ITGA3: variants seen among roughly 807,000 people sequenced by gnomAD.
ITGA3 encodes the protein integrin subunit alpha 3.
In ITGA3, 70 loss-of-function variants were observed where a neutral mutation model predicts 131.1. That is an observed-to-expected ratio of 0.53 (90% CI 0.44 to 0.65). The LOEUF (loss-of-function observed/expected upper bound fraction) is 0.65, where lower values mean the gene tolerates loss of function less well. Ranked by LOEUF, ITGA3 falls within the 30% of genes least tolerant of loss-of-function variation. The probability of loss-of-function intolerance (pLI) is 0.00; values close to 1 mark genes in which losing one functional copy is unlikely to be tolerated. For missense variants in ITGA3, 1,098 were observed against 1,388.6 expected, an observed-to-expected ratio of 0.79 and a Z score of 3.33; for synonymous variants, 537 against 571.6, an observed-to-expected ratio of 0.94 and a Z score of 0.86.
Position 50,087,727 on chromosome 17 carries a change from T to G in ITGA3, c.2920-17T>G. 6.2e-7 allele frequency: 1 copy of G among 1,606,714 alleles called. No homozygotes were observed. Among genetic ancestry groups the G allele is most frequent in the Non-Finnish European group, 8.5e-7 (1 of 1,175,364 alleles). ...AGCAGGCTGACACAGGGCTGAGTCC[T>G]CCTCTCCCCGCTCCAGTTCTCTGTG... is the stretch of plus-strand genomic sequence containing the variant. On this transcript the variant is annotated splice_polypyrimidine_tract_variant and intron_variant, in intron 23 of 25. Transcript: ENST00000320031.
chr17:50,074,847 A>G (rs149040015), intron 10 of ITGA3, among the ~76,000 whole-genome samples: 1,612 of 152,320 alleles, frequency 0.011, 13 homozygotes, highest in Middle Eastern at 0.017. Context: ...GTGGATGGAT[A>G]TGGAGGAGAG....
At chr17:50,080,893 T>C (rs1909159420) in intron 22 of ITGA3, among the ~76,000 whole-genome samples, 1 of 152,172 alleles carries the variant, frequency 6.6e-6, no homozygotes, top group Non-Finnish European at 1.5e-5. Context: ...CATGACTAGA[T>C]TAGAAATCTT....
At position 50,076,997 on chromosome 17, in the gene ITGA3, G is replaced by A. The variant is rs764829291; in HGVS notation, c.1946G>A (p.Arg649Gln). The A allele has an allele frequency of 2.0e-5, 33 of 1,610,480 alleles. No homozygotes were observed. The highest frequency in any genetic ancestry group is 2.5e-5 in the Non-Finnish European group (30 of 1,177,888). Residue 649 changes from arginine (R) to glutamine (Q), a missense_variant, in exon 15 of 26, where the codon CGG (arginine) becomes CAG (glutamine). Physicochemically the swap from Arg to Gln is conservative, Grantham distance 43. Around this residue, in one of 3 missense-constraint regions of ITGA3, gnomAD observed 699 missense variants for 829.2 expected, o/e 0.84. Coordinates refer to ENST00000320031, the MANE Select transcript of ITGA3 (RefSeq NM_002204.4). ...AGGCTCCAGTACAGCAGAGACGTCC[G>A]GAAATTGCTCCTGAGCATCAACGTG... ...LSRLQYSRDV[R>Q]KLLLSINVTN...
At position 50,079,165 on chromosome 17, in the gene ITGA3, G is replaced by T; in HGVS notation, c.2490G>T (p.Leu830=). 1 of 1,614,040 alleles carries T rather than the reference G, an allele frequency of 6.2e-7. No individual in the cohort carries two copies. Among genetic ancestry groups the T allele is most frequent in the Non-Finnish European group, 8.5e-7 (1 of 1,179,982 alleles). The change falls in exon 20 of 26, where the codon CTG becomes CTT. Residue 830 remains leucine, a synonymous_variant. Transcript: ENST00000320031. The part of the protein sequence containing the change: ...WPYEVSNGKW[L]LYPTEITVHG... ...ACGAAGTCAGCAATGGCAAGTGGCT[G>T]CTGTATCCCACGGAGATCACCGTCC... is the stretch of plus-strand genomic sequence containing the variant.
chr17:50,080,234 C>A, intron 21 of ITGA3, 28 bp from the exon 22 acceptor site: 4 of 1,331,460 alleles, frequency 3.0e-6, no homozygotes, highest in Non-Finnish European at 4.3e-6. Context: ...CAGACTATGT[C>A]ACGTCTTGCG....
intron 1 of ITGA3, among the ~76,000 whole-genome samples, chr17:50,061,837 C>T (rs959873233): frequency 1.3e-5 from 2 of 151,988 alleles, no homozygotes; most frequent in Non-Finnish European, 2.9e-5. Flanking sequence ...GTCAGGAGTT[C>T]GACATCAGCC....
chr17:50,076,545 G>C (rs752278025), intron 13 of ITGA3, 39 bp from the exon 14 acceptor site: 22 of 1,575,076 alleles, frequency 1.4e-5, no homozygotes, highest in East Asian at 2.4e-5. Context: ...GGGCACTGGG[G>C]GGGGTGGTGC....
chr17:50,078,897 G>A lies in ITGA3; in HGVS notation c.2371G>A (p.Val791Ile), dbSNP rs1326639595. 4 of 1,612,334 alleles carry A rather than the reference G, an allele frequency of 2.5e-6. No individual in the cohort carries two copies. The highest frequency in any genetic ancestry group is 3.4e-6 in the Non-Finnish European group (4 of 1,178,382). Residue 791 changes from valine to isoleucine, a missense_variant, in exon 19 of 26, where the codon GTA (valine) becomes ATA (isoleucine). Val to Ile is a conservative substitution (Grantham distance 29, BLOSUM62 3). This residue lies in a region of ITGA3 where 699 missense variants were observed against 829.2 expected (regional missense o/e 0.84). Transcript: ENST00000320031. ...GTCTGGCATGAAAACTGTGGAGGAT[G>A]TAGGAAGCCCCCTCAAGTATGAATT... ...GESGMKTVEDVGSPLKYEFQV... is the reference protein window; with the variant it reads ...GESGMKTVEDIGSPLKYEFQV...
intron 10 of ITGA3, 148 bp from the exon 11 acceptor site, chr17:50,075,311 C>A: frequency 1.3e-6 from 1 of 746,604 alleles, no homozygotes; most frequent in East Asian, 2.7e-5. Flanking sequence ...TCAGGGACAC[C>A]ACAGACCTGC....
chr17:50,083,723 C>CA (rs34118743), intron 23 of ITGA3, among the ~76,000 whole-genome samples: 89,990 of 124,792 alleles, frequency 0.72, 31,837 homozygotes, highest in Middle Eastern at 0.81. Flanking sequence ...CATCTTGCCT[C>CA]AAAAAAAAAA....
At chr17:50,083,736 A>AG (rs1237327910) in intron 23 of ITGA3, among the ~76,000 whole-genome samples, 27 of 151,746 alleles carry the variant, frequency 1.8e-4, no homozygotes, top group African/African-American at 6.3e-4. Flanking sequence ...AAAAAAAAAA[A>AG]AAAGAAACTA....
At chr17:50,061,860 C>T (rs1164550911) in intron 1 of ITGA3, among the ~76,000 whole-genome samples, 3 of 151,862 alleles carry the variant, frequency 2.0e-5, no homozygotes, top group East Asian at 1.9e-4. Flanking sequence ...GCCAATATGG[C>T]GAAACCCCAT....
In ITGA3 at chr17:50,064,241, A is replaced by C; in HGVS notation, c.334+37A>C. 1 of 1,581,944 alleles carries C rather than the reference A, an allele frequency of 6.3e-7. No individual in the cohort carries two copies. The highest frequency in any genetic ancestry group is 8.6e-7 in the Non-Finnish European group (1 of 1,165,902). ...GGGCTGGGGAGGGGTGCTGGGTCAG[A>C]GGTCTGGCAGGGGGGTACCGCAGAG... On this transcript the variant is annotated intron_variant, in intron 2 of 25. Coordinates refer to ENST00000320031, the MANE Select transcript of ITGA3 (RefSeq NM_002204.4). The surrounding 1 kb of genome is among the most constrained non-coding windows in gnomAD (Gnocchi z 4.4).
rs766705905 is a variant in ITGA3, at chr17:50,074,493, G to A, written c.1428G>A (p.Arg476=). The A allele has an allele frequency of 2.5e-6, 4 of 1,613,974 alleles. No individual in the cohort carries two copies. The highest frequency in any genetic ancestry group is 4.5e-5 in the East Asian group (2 of 44,900). Reference sequence around the variant, plus strand: ...TCGTCCACAAGACCTTGGTGCCCAGGCCAGCTGTGCTGGACCCTGCACTTT... The same window carrying A: ...TCGTCCACAAGACCTTGGTGCCCAGACCAGCTGTGCTGGACCCTGCACTTT... ...INIVHKTLVP[R]PAVLDPALCT... is the part of the protein sequence containing the mutation. Residue 476 remains arginine, a synonymous_variant, in exon 10 of 26, where the codon AGG becomes AGA. Coordinates refer to ENST00000320031, the MANE Select transcript of ITGA3 (RefSeq NM_002204.4).
intron 23 of ITGA3, among the ~76,000 whole-genome samples, chr17:50,082,687 C>G (rs998890561): frequency 1.3e-5 from 2 of 152,082 alleles, no homozygotes; most frequent in African/African-American, 2.4e-5. Context: ...CCCAAACCCC[C>G]TAGGTTTCCT....
In ITGA3 at chr17:50,056,632, C is replaced by G. The variant is rs767963814; in HGVS notation, c.193C>G (p.Gln65Glu). 6.2e-7 allele frequency: 1 copy of G among 1,601,516 alleles called. No individual in the cohort carries two copies. The highest frequency in any genetic ancestry group is 1.1e-5 in the South Asian group (1 of 88,888). The change falls in exon 1 of 26, where the codon CAG (glutamine) becomes GAG (glutamate). Residue 65 changes from glutamine to glutamate, a missense_variant. Around this residue, in one of 3 missense-constraint regions of ITGA3, gnomAD observed 356 missense variants for 529.2 expected, o/e 0.67. Coordinates refer to ENST00000320031, the MANE Select transcript of ITGA3 (RefSeq NM_002204.4). This position sits in a 1 kb window ranked among gnomAD's most constrained non-coding sequence, Gnocchi z 5.6. ...CGCCCTCCATCGGCAGACAGAGCGG[C>G]AGCAGCGCTACCTGTAAGTGAAGCT... ...SVALHRQTER[Q>E]QRYLLLAGAP...
intron 7 of ITGA3, among the ~76,000 whole-genome samples, chr17:50,073,593 AACAC>A (rs71146961): frequency 0.11 from 15,868 of 144,106 alleles, 1,073 homozygotes; most frequent in East Asian, 0.33. Flanking sequence ...ACTGTCTATA[AACAC>A]ACACACACAC....
At chr17:50,057,737 C>T (rs751034274) in intron 1 of ITGA3, among the ~76,000 whole-genome samples, 4 of 152,296 alleles carry the variant, frequency 2.6e-5, no homozygotes, top group South Asian at 4.2e-4. Context: ...AACAAGAAGA[C>T]GTGGTCACAT....
In ITGA3 at chr17:50,077,068, G is replaced by T; in HGVS notation, c.2017G>T (p.Ala673Ser). 2.5e-6 allele frequency: 4 copies of T among 1,599,042 alleles called. No homozygotes were observed. Among genetic ancestry groups the T allele is most frequent in the Non-Finnish European group, 3.4e-6 (4 of 1,171,906 alleles). ...GCGCTCCGGGGAGGACGCCCACGAG[G>T]CGCTGCTCACCCTGGTGGTGCCTCC... ...SERSGEDAHE[A>S]LLTLVVPPAL... Residue 673 changes from alanine (A) to serine (S), a missense_variant, in exon 15 of 26, where the codon GCG becomes TCG. Physicochemically the swap from Ala to Ser is moderately conservative, Grantham distance 99 (BLOSUM62 1). Transcript: ENST00000320031.
Sources: allele counts gnomAD v4.1 joint callset (sites outside exome capture counted in the v4.1 genomes callset), GRCh38; gene constraint gnomAD v4.1.1; regional missense constraint gnomAD v4.1.1; non-coding constraint Gnocchi (gnomAD v3.1); transcripts MANE v1.5; gene names NCBI Gene and HGNC (gene_info 2026-07-23, HGNC 2026-07-21).